Variants in WASF1 observed in about 807,000 individuals in gnomAD.
WASF1 encodes actin-binding protein WASF1.
Under a neutral mutation model 50.5 loss-of-function variants are expected in WASF1, and 7 were observed. The observed-to-expected ratio is 0.14, with a 90% confidence interval of 0.08 to 0.26. WASF1 has a LOEUF of 0.26. Among genes scored for constraint, WASF1 ranks in the 10% least tolerant of loss-of-function variants. The pLI, the probability that WASF1 is intolerant of heterozygous loss-of-function variation, is 1.00. For synonymous variants in WASF1, 205 were observed against 244.0 expected (o/e 0.84, Z 1.49); for missense variants, 470 against 694.7 (o/e 0.68, Z 3.64).
chr6:110,160,970 T>G (rs1238658856), intron 2 of WASF1, among the ~76,000 whole-genome samples: 1 of 151,488 alleles, frequency 6.6e-6, no homozygotes, highest in Non-Finnish European at 1.5e-5. Context: ...ATGAAATAAA[T>G]GCAATTCTTG....
At chr6:110,176,110 T>C (rs1776918030) in intron 2 of WASF1, among the ~76,000 whole-genome samples, 1 of 152,016 alleles carries the variant, frequency 6.6e-6, no homozygotes, top group Admixed American at 6.5e-5. Flanking sequence ...AAGTTAGAAC[T>C]ACCAATTCAC....
chr6:110,146,371 A>G (rs1775561251), intron 3 of WASF1, among the ~76,000 whole-genome samples: 1 of 152,092 alleles, frequency 6.6e-6, no homozygotes, highest in Non-Finnish European at 1.5e-5. Flanking sequence ...TAATTTGAGT[A>G]TAAGAATGTT....
intron 3 of WASF1, among the ~76,000 whole-genome samples, chr6:110,151,238 C>T (rs182965732): frequency 2.0e-5 from 3 of 152,260 alleles, no homozygotes; most frequent in African/African-American, 2.4e-5. Context: ...CAGCAACTTA[C>T]GAGAGTTCCA....
intron 4 of WASF1, among the ~76,000 whole-genome samples, chr6:110,124,274 CTATATATATATATATATATA>C (rs35703116): frequency 4.9e-5 from 1 of 20,516 alleles, no homozygotes; most frequent in African/African-American, 2.7e-4. Context: ...CTCTCTCTCT[CTATATATATATATATATATA>C]TATATATATA....
At chr6:110,152,737 A>C (rs1301300856) in intron 3 of WASF1, among the ~76,000 whole-genome samples, 1 of 152,178 alleles carries the variant, frequency 6.6e-6, no homozygotes, top group African/African-American at 2.4e-5. Context: ...TAATTACTAG[A>C]GATGTTTTAG....
At chr6:110,106,524 T>C (rs1773332890) in intron 7 of WASF1, among the ~76,000 whole-genome samples, 1 of 152,230 alleles carries the variant, frequency 6.6e-6, no homozygotes, top group Non-Finnish European at 1.5e-5. Flanking sequence ...TCAGTTATCA[T>C]TAACATGAAA....
At chr6:110,146,666 T>C (rs1192487097) in intron 3 of WASF1, among the ~76,000 whole-genome samples, 1 of 152,128 alleles carries the variant, frequency 6.6e-6, no homozygotes. Context: ...AACAGAATTT[T>C]ATAATTTACC....
chr6:110,109,202 A>G (rs888041604), intron 5 of WASF1, among the ~76,000 whole-genome samples: 3 of 152,192 alleles, frequency 2.0e-5, no homozygotes, highest in African/African-American at 7.2e-5. Context: ...TAAAGGAAAT[A>G]CTTTTAAGTA....
intron 4 of WASF1, among the ~76,000 whole-genome samples, chr6:110,118,470 G>A (rs538127383): frequency 1.1e-4 from 17 of 151,408 alleles, no homozygotes; most frequent in South Asian, 2.1e-4. Context: ...ATGGTAAAGG[G>A]ATCAATTCAA....
rs549366018 is a variant in WASF1, at chr6:110,158,316, T to G, written c.-29+2319A>C. On this transcript the variant is annotated intron_variant, in intron 3 of 10. Transcript: ENST00000392589. ...GTATGTGTCGAGGAATGTATCCATT[T>G]CTTCTAGATTTTCTAGTTTATTTGC... Among the ~76,000 whole-genome samples, 6 of 96,120 alleles carry G rather than the reference T, an allele frequency of 6.2e-5. No individual in the cohort carries two copies. In the South Asian group the frequency reaches 2.5e-3, roughly 40 times the overall value. The allele number at this position is 96,120 out of a possible 152,430, so 63.1% of individuals were successfully genotyped here. A position where few individuals can be genotyped will look rare whatever the true frequency, so the allele number is the denominator to read the frequency against.
At chr6:110,179,190 TCCCTGCAG>T (rs1777087970) in intron 1 of WASF1, among the ~76,000 whole-genome samples, 1 of 151,974 alleles carries the variant, frequency 6.6e-6, no homozygotes, top group Non-Finnish European at 1.5e-5. Flanking sequence ...CCCGGGGCGG[TCCCTGCAG>T]CCAAGCCCCA....
intron 3 of WASF1, among the ~76,000 whole-genome samples, chr6:110,150,049 C>T (rs560710107): frequency 1.8e-4 from 27 of 152,178 alleles, no homozygotes; most frequent in East Asian, 1.2e-3. Flanking sequence ...TTTGTATTCT[C>T]GACAAATTGG....
At chr6:110,178,324 A>T (rs1347902099) in intron 2 of WASF1, among the ~76,000 whole-genome samples, 3 of 152,232 alleles carry the variant, frequency 2.0e-5, no homozygotes, top group Admixed American at 6.5e-5. Flanking sequence ...CATAAAGGAT[A>T]AACTGTTCCT....
At chr6:110,130,565 T>C (rs113863126) in intron 3 of WASF1, among the ~76,000 whole-genome samples, 7 of 152,330 alleles carry the variant, frequency 4.6e-5, no homozygotes, top group South Asian at 2.1e-4. Context: ...TTCATTTTCA[T>C]TGCTGTATAA....
intron 3 of WASF1, among the ~76,000 whole-genome samples, chr6:110,155,565 T>TA (rs1491461377): frequency 2.8e-5 from 3 of 105,974 alleles, no homozygotes; most frequent in South Asian, 3.3e-4. Flanking sequence ...TTTTTTTTTT[T>TA]ATTATACTCT....
chr6:110,109,046 C>T (rs978129569), intron 5 of WASF1, among the ~76,000 whole-genome samples: 3 of 152,138 alleles, frequency 2.0e-5, no homozygotes, highest in African/African-American at 4.8e-5. Context: ...TTTCCATCTC[C>T]CTTTATTCCT....
chr6:110,148,158 C>G (rs1482343653), intron 3 of WASF1, among the ~76,000 whole-genome samples: 1 of 152,146 alleles, frequency 6.6e-6, no homozygotes, highest in Admixed American at 6.5e-5. Flanking sequence ...CTTCATATTG[C>G]AAGTATTTCT....
chr6:110,171,551 A>G (rs550121524), intron 2 of WASF1, among the ~76,000 whole-genome samples: 31 of 152,280 alleles, frequency 2.0e-4, no homozygotes, highest in African/African-American at 7.5e-4. Context: ...TTAGAAAAGT[A>G]GAAGGATCTA....
intron 3 of WASF1, among the ~76,000 whole-genome samples, chr6:110,147,271 G>A (rs1281643638): frequency 5.9e-5 from 9 of 151,500 alleles, no homozygotes; most frequent in East Asian, 1.9e-4. Context: ...GCGTGAACCC[G>A]GGAGGCGGAG....
Sources: allele counts gnomAD v4.1 joint callset (sites outside exome capture counted in the v4.1 genomes callset), GRCh38; gene constraint gnomAD v4.1.1; transcripts MANE v1.5; gene names NCBI Gene and HGNC (gene_info 2026-07-23, HGNC 2026-07-21).